OTUD7B: variants seen among roughly 807,000 people sequenced by gnomAD.
OTUD7B encodes OTU domain-containing protein 7B.
Under a neutral mutation model 82.2 loss-of-function variants are expected in OTUD7B, and 34 were observed. That is an observed-to-expected ratio of 0.41 (90% CI 0.31 to 0.55). OTUD7B has a LOEUF of 0.55. Ranked by LOEUF, OTUD7B falls within the 20% of genes least tolerant of loss-of-function variation. The probability of loss-of-function intolerance (pLI) is 0.20; values close to 1 mark genes in which losing one functional copy is unlikely to be tolerated. For synonymous variants in OTUD7B, 398 were observed against 402.7 expected (o/e 0.99, Z 0.14); for missense variants, 944 against 1,062.1 (o/e 0.89, Z 1.55).
At chr1:150,042,374 TGTTGG>T in the OTUD7B span, among the ~76,000 whole-genome samples, 1 of 151,708 alleles carries the variant, frequency 6.6e-6, no homozygotes, top group Admixed American at 6.6e-5. Context: ...AGTTTCACCA[TGTTGG>T]CCAGGCTGGT....
In OTUD7B at chr1:149,975,711, A is replaced by G. The variant is rs74470001; in HGVS notation, c.85+1715T>C. 5.9e-4 allele frequency among the ~76,000 whole-genome samples: 90 copies of G among 152,050 alleles called. 3 individuals are homozygous for G. The East Asian group carries it at 0.017, about 29-fold the overall frequency. ...GCCTGGCTGCATAGGAAGTATAGGG[A>G]AAAGTAGTAGGAGAAGAAACTAAAA... On this transcript the variant is annotated intron_variant, in intron 2 of 11. Coordinates refer to ENST00000581312, the MANE Select transcript of OTUD7B (RefSeq NM_020205.4).
the OTUD7B span, among the ~76,000 whole-genome samples, chr1:150,038,691 T>C: frequency 6.6e-6 from 1 of 152,200 alleles, no homozygotes; most frequent in Non-Finnish European, 1.5e-5. Context: ...CCAGCCTAAG[T>C]TGTTATTCTT....
intron 10 of OTUD7B, 145 bp from the exon 11 acceptor site, chr1:149,947,480 C>A: frequency 1.8e-6 from 1 of 552,798 alleles, no homozygotes; most frequent in Non-Finnish European, 3.4e-6. Context: ...AATTAATAAG[C>A]TTTATGACCT....
At chr1:150,045,246 C>T in the OTUD7B span, among the ~76,000 whole-genome samples, 5 of 151,906 alleles carry the variant, frequency 3.3e-5, no homozygotes, top group African/African-American at 7.3e-5. Context: ...TGTGTGCCAC[C>T]GTGACCGGCT....
the OTUD7B span, among the ~76,000 whole-genome samples, chr1:150,039,149 A>G: frequency 6.6e-6 from 1 of 152,096 alleles, no homozygotes; most frequent in African/African-American, 2.4e-5. Context: ...CCAGCCCTAT[A>G]TGCTATTCAT....
chr1:150,040,402 C>T, the OTUD7B span, among the ~76,000 whole-genome samples: 1 of 152,256 alleles, frequency 6.6e-6, no homozygotes, highest in African/African-American at 2.4e-5. Flanking sequence ...TGATTCCTAC[C>T]CTCATGGAGC....
At position 149,942,170 on chromosome 1, in the gene OTUD7B, G is replaced by C. The variant is rs1553770574; in HGVS notation, c.*1687C>G. Reference sequence around the variant, plus strand: ...CAAATGTGGGGATTACGTTCCAAGGGATGGGTTATGAGTACATACCTCAAA... The same window carrying C: ...CAAATGTGGGGATTACGTTCCAAGGCATGGGTTATGAGTACATACCTCAAA... On this transcript the variant is annotated 3_prime_UTR_variant, in exon 12 of 12. Coordinates refer to ENST00000581312, the MANE Select transcript of OTUD7B (RefSeq NM_020205.4). 1 of 152,604 alleles carries C rather than the reference G, an allele frequency of 6.6e-6. No individual in the cohort carries two copies. Among genetic ancestry groups the C allele is most frequent in the African/African-American group, 2.4e-5 (1 of 41,422 alleles). The allele number at this position is 152,604 out of a possible 1,614,324, so 9.5% of individuals were successfully genotyped here.
At chr1:149,959,131 G>C (rs1273924858) in intron 7 of OTUD7B, among the ~76,000 whole-genome samples, 1 of 151,162 alleles carries the variant, frequency 6.6e-6, no homozygotes, top group Non-Finnish European at 1.5e-5. Flanking sequence ...CTGAAACAGA[G>C]AATCACTTGA....
At chr1:149,950,340 T>TC in intron 7 of OTUD7B, 119 bp from the exon 8 acceptor site, 1 of 1,039,470 alleles carries the variant, frequency 9.6e-7, no homozygotes, top group Non-Finnish European at 1.4e-6. Context: ...TTCCTGGTTT[T>TC]CCAATCTTAA....
the OTUD7B span, among the ~76,000 whole-genome samples, chr1:150,019,551 G>A: frequency 6.6e-6 from 1 of 152,042 alleles, no homozygotes; most frequent in Non-Finnish European, 1.5e-5. Context: ...ATTTTTAGTA[G>A]AAATGGGGTT....
chr1:149,973,543 T>C (rs1377075037), intron 2 of OTUD7B, among the ~76,000 whole-genome samples: 4 of 152,236 alleles, frequency 2.6e-5, no homozygotes, highest in Non-Finnish European at 1.5e-5. Flanking sequence ...TGGGGTGCAG[T>C]GGCACGATCT....
At chr1:149,968,638 A>G (rs1324814379) in intron 3 of OTUD7B, among the ~76,000 whole-genome samples, 1 of 152,222 alleles carries the variant, frequency 6.6e-6, no homozygotes, top group Non-Finnish European at 1.5e-5. Context: ...TTTGCCAGAT[A>G]TGATACACAA....
chr1:149,948,434 C>T (rs112051002), intron 10 of OTUD7B, among the ~76,000 whole-genome samples: 8 of 149,238 alleles, frequency 5.4e-5, no homozygotes, highest in Non-Finnish European at 8.9e-5. Flanking sequence ...TGCAGTGGCA[C>T]GATGTCGGCT....
rs1650033853 is a variant in OTUD7B at position 149,972,958 on chromosome 1, C to A, written c.86-1707G>T. Among the ~76,000 whole-genome samples the A allele has an allele frequency of 2.0e-5, 3 of 152,160 alleles. 1 individual carries two copies. In the South Asian group the frequency reaches 6.2e-4, roughly 32 times the overall value. ...CCTAAATCAGTAATGGCATCACAAT[C>A]CCTCCAGGCCCTGAAACTTCAGTCA... On this transcript the variant is annotated intron_variant, in intron 2 of 11. Transcript: ENST00000581312.
At chr1:150,030,373 C>A in the OTUD7B span, among the ~76,000 whole-genome samples, 2 of 152,146 alleles carry the variant, frequency 1.3e-5, no homozygotes, top group East Asian at 3.9e-4. Flanking sequence ...TTCCCTCTAG[C>A]GTAGAGGAAA....
intron 2 of OTUD7B, among the ~76,000 whole-genome samples, chr1:149,973,670 G>T (rs1553778028): frequency 6.6e-6 from 1 of 151,692 alleles, no homozygotes; most frequent in Non-Finnish European, 1.5e-5. Context: ...ATTTTTAGTG[G>T]AGATGGGGCT....
At chr1:150,049,629 C>CTCTTTTTTTTTTTTTTTT in the OTUD7B span, among the ~76,000 whole-genome samples, 6 of 43,468 alleles carry the variant, frequency 1.4e-4, 3 homozygotes, top group Non-Finnish European at 2.6e-4. Context: ...CTCTCTCTCT[C>CTCTTTTTTTTTTTTTTTT]TTTCTTTTTT....
At chr1:150,003,410 A>G (rs1236703996) in intron 1 of OTUD7B, among the ~76,000 whole-genome samples, 1 of 152,050 alleles carries the variant, frequency 6.6e-6, no homozygotes, top group African/African-American at 2.4e-5. Context: ...ATTTTCTCAG[A>G]CTGGAATGTA....
Position 149,939,112 on chromosome 1 carries a change from G to T in OTUD7B, c.*4745C>A, listed in dbSNP as rs2092746527. 6.6e-6 allele frequency: 1 copy of T among 152,070 alleles called. No homozygotes were observed. Among genetic ancestry groups the T allele is most frequent in the African/African-American group, 2.4e-5 (1 of 41,362 alleles). 9.4% of individuals were successfully genotyped at this position (152,070 alleles called of 1,614,324 possible). ...ATGAAGGGAAGGGTGGAGAGGCAAG[G>T]GGCTATATCAGATTTTTCCATTTTC... On this transcript the variant is annotated 3_prime_UTR_variant, in exon 12 of 12. Coordinates refer to ENST00000581312, the MANE Select transcript of OTUD7B (RefSeq NM_020205.4).
Sources: gnomAD v4.1 joint callset for allele counts (sites outside exome capture counted in the v4.1 genomes callset) on GRCh38, gnomAD v4.1.1 for gene constraint, MANE v1.5 for transcripts, NCBI Gene and HGNC (gene_info 2026-07-23, HGNC 2026-07-21) for gene names.